The following SUGCT variants were observed in gnomAD, a reference collection of about 807,000 sequenced individuals.
SUGCT encodes the protein succinyl-CoA:glutarate-CoA transferase, also known as succinyl-CoA:glutarate CoA-transferase.
SUGCT carries 41 observed loss-of-function variants against 55.0 expected under a neutral mutation model. The ratio of observed to expected loss-of-function variants is 0.74; its 90% CI spans 0.58 to 0.97. The LOEUF is 0.97. Ranked by LOEUF, SUGCT falls within the 50% of genes least tolerant of loss-of-function variation. SUGCT has a pLI of 0.00. For synonymous variants in SUGCT, 187 were observed against 200.4 expected, an observed-to-expected ratio of 0.93 and a Z score of 0.56; for missense variants, 568 against 547.8, an observed-to-expected ratio of 1.04 and a Z score of -0.37.
chr7:40,558,402 T>A (rs1308130359), intron 12 of SUGCT, among the ~76,000 whole-genome samples: 1 of 152,116 alleles, frequency 6.6e-6, no homozygotes, highest in African/African-American at 2.4e-5. Context: ...AAACAAAACA[T>A]AGTATACAAT....
chr7:40,278,658 C>G (rs1367485785), intron 8 of SUGCT, among the ~76,000 whole-genome samples: 2 of 151,966 alleles, frequency 1.3e-5, no homozygotes, highest in Admixed American at 1.3e-4. Flanking sequence ...TCTCATGTGC[C>G]CTTCTCTAGC....
chr7:40,190,556 A>T (rs1026482164), intron 5 of SUGCT, among the ~76,000 whole-genome samples: 5 of 151,862 alleles, frequency 3.3e-5, no homozygotes, highest in African/African-American at 1.2e-4. Flanking sequence ...GCCCAATAGT[A>T]CCTACTCTCT....
At chr7:40,172,956 C>G (rs1423849080) in intron 1 of SUGCT, among the ~76,000 whole-genome samples, 1 of 152,162 alleles carries the variant, frequency 6.6e-6, no homozygotes, top group Non-Finnish European at 1.5e-5. Context: ...TGAAAGTGGT[C>G]CAATATTACT....
intron 12 of SUGCT, among the ~76,000 whole-genome samples, chr7:40,689,120 G>A (rs1784582182): frequency 1.3e-5 from 2 of 152,172 alleles, no homozygotes; most frequent in Admixed American, 1.3e-4. Context: ...CTTCTTGTAG[G>A]TTAAGACATG....
intron 12 of SUGCT, among the ~76,000 whole-genome samples, chr7:40,617,032 A>T (rs780834439): frequency 2.6e-5 from 4 of 152,246 alleles, no homozygotes; most frequent in Non-Finnish European, 5.9e-5. Context: ...CACAAGGCAA[A>T]TAAGTTTTGT....
intron 12 of SUGCT, among the ~76,000 whole-genome samples, chr7:40,545,754 A>G (rs1304707373): frequency 1.3e-5 from 2 of 152,160 alleles, no homozygotes; most frequent in East Asian, 1.9e-4. Flanking sequence ...TTACAGTTAT[A>G]TAGAGAATAA....
chr7:40,694,214 C>A (rs1351677232), intron 12 of SUGCT, among the ~76,000 whole-genome samples: 1 of 152,178 alleles, frequency 6.6e-6, no homozygotes, highest in African/African-American at 2.4e-5. Context: ...TGCCTTTAGT[C>A]CTAAACCTAC....
chr7:40,185,024 A>G (rs1178380488), intron 3 of SUGCT, among the ~76,000 whole-genome samples: 1 of 152,170 alleles, frequency 6.6e-6, no homozygotes, highest in Non-Finnish European at 1.5e-5. Flanking sequence ...TTAGTATATT[A>G]TATTTTATTA....
At chr7:40,798,432 G>A (rs763372005) in intron 13 of SUGCT, among the ~76,000 whole-genome samples, 4 of 152,098 alleles carry the variant, frequency 2.6e-5, no homozygotes, top group Non-Finnish European at 4.4e-5. Flanking sequence ...GAAAATATGT[G>A]TTTTGAATTG....
the SUGCT span, among the ~76,000 whole-genome samples, chr7:41,036,576 TCTGTTCATCCCTTGATTC>T: frequency 2.0e-5 from 3 of 152,178 alleles, no homozygotes; most frequent in African/African-American, 7.2e-5. Context: ...CCCTCTTTTC[TCTGTTCATCCCTTGATTC>T]CTGCCATAAC....
chr7:40,421,135 G>C (rs1391912511), intron 9 of SUGCT, among the ~76,000 whole-genome samples: 1 of 152,110 alleles, frequency 6.6e-6, no homozygotes, highest in Admixed American at 6.5e-5. Context: ...AGTCTACCTT[G>C]TCAGGCCTAG....
At chr7:40,406,445 A>G (rs1186263135) in intron 9 of SUGCT, among the ~76,000 whole-genome samples, 1 of 152,160 alleles carries the variant, frequency 6.6e-6, no homozygotes, top group African/African-American at 2.4e-5. Flanking sequence ...GACTGTTATC[A>G]TCTTTGTTTC....
At chr7:40,308,899 A>C (rs1794984692) in intron 8 of SUGCT, among the ~76,000 whole-genome samples, 1 of 152,200 alleles carries the variant, frequency 6.6e-6, no homozygotes, top group Non-Finnish European at 1.5e-5. Context: ...AATCCCAGCT[A>C]CTGGGGAGGC....
rs367576946 is a variant in SUGCT, at chr7:40,294,018, G to A, written c.720+19362G>A. ...ACTGGAGTGCAGTGGCACAATCTTG[G>A]TTCACTGCAACCTCCGCCTCCCAGA... is the stretch of plus-strand genomic sequence containing the variant. On this transcript the variant is annotated intron_variant, in intron 8 of 13. Coordinates refer to ENST00000335693, the MANE Select transcript of SUGCT (RefSeq NM_001193313.2). Among the ~76,000 whole-genome samples the A allele has an allele frequency of 5.9e-5, 9 of 152,126 alleles. No homozygotes were observed. In the South Asian group the frequency reaches 1.0e-3, roughly 18 times the overall value.
chr7:41,002,329 G>A, the SUGCT span, among the ~76,000 whole-genome samples: 3 of 152,106 alleles, frequency 2.0e-5, no homozygotes, highest in African/African-American at 4.8e-5. Context: ...TGGAGAATGC[G>A]AACTTTATCC....
At chr7:40,421,264 A>T (rs1459799678) in intron 9 of SUGCT, among the ~76,000 whole-genome samples, 8 of 151,682 alleles carry the variant, frequency 5.3e-5, no homozygotes. Context: ...TCTACTTTCC[A>T]CTTTTACTCA....
At chr7:40,977,682 G>C in the SUGCT span, among the ~76,000 whole-genome samples, 1 of 152,176 alleles carries the variant, frequency 6.6e-6, no homozygotes, top group Non-Finnish European at 1.5e-5. Flanking sequence ...ACACCTTTCA[G>C]AGGTAGTCAG....
At chr7:40,568,320 TACAC>T (rs1055802059) in intron 12 of SUGCT, among the ~76,000 whole-genome samples, 1 of 151,732 alleles carries the variant, frequency 6.6e-6, no homozygotes, top group Non-Finnish European at 1.5e-5. Context: ...TTATCAGTGA[TACAC>T]ACACACACAT....
chr7:40,302,850 T>G (rs1213908608), intron 8 of SUGCT, among the ~76,000 whole-genome samples: 1 of 152,116 alleles, frequency 6.6e-6, no homozygotes, highest in Non-Finnish European at 1.5e-5. Context: ...AGCCTCAGTG[T>G]AGATAACCAC....
Sources: allele counts gnomAD v4.1 joint callset (sites outside exome capture counted in the v4.1 genomes callset), GRCh38; gene constraint gnomAD v4.1.1; transcripts MANE v1.5; gene names NCBI Gene and HGNC (gene_info 2026-07-23, HGNC 2026-07-21).